SVOP: variants seen among roughly 807,000 people sequenced by gnomAD.
SVOP encodes synaptic vesicle 2-related protein.
Under a neutral mutation model 69.1 loss-of-function variants are expected in SVOP, and 17 were observed. The observed-to-expected ratio is 0.25, with a 90% confidence interval of 0.17 to 0.37. The LOEUF (loss-of-function observed/expected upper bound fraction) is 0.37, where lower values mean the gene tolerates loss of function less well. Among genes scored for constraint, SVOP ranks in the 10% least tolerant of loss-of-function variants. SVOP has a pLI of 1.00. For synonymous variants in SVOP, 238 were observed against 238.6 expected (o/e 1.00, Z 0.02); for missense variants, 435 against 597.5 (o/e 0.73, Z 2.84).
In SVOP at chr12:108,909,657, T is replaced by G. The variant is rs1400000143; in HGVS notation, c.*2878A>C. On this transcript the variant is annotated 3_prime_UTR_variant, in exon 16 of 16. Transcript: ENST00000610966. ...CATCCCATTGTGAACACCACCAAGG[T>G]CAGTTATATGTTTTTCAGAATACTT... 6.6e-6 allele frequency: 1 copy of G among 152,138 alleles called. No homozygotes were observed. Among genetic ancestry groups the G allele is most frequent in the African/African-American group, 2.4e-5 (1 of 41,426 alleles). The allele number at this position is 152,138 out of a possible 1,614,324, so 9.4% of individuals were successfully genotyped here.
At chr12:108,989,268 T>C (rs140230592) in intron 1 of SVOP, among the ~76,000 whole-genome samples, 51,996 of 151,926 alleles carry the variant, frequency 0.34, 9,421 homozygotes, top group African/African-American at 0.46. Flanking sequence ...GAGACAGGGG[T>C]CTCATTATGT....
chr12:108,932,785 T>C (rs73195441), intron 11 of SVOP, among the ~76,000 whole-genome samples: 62,863 of 152,022 alleles, frequency 0.41, 16,143 homozygotes, highest in East Asian at 0.68. Flanking sequence ...TTCGTGGCAA[T>C]CAGATACCAA....
chr12:109,003,641 C>CT (rs1400961709), intron 1 of SVOP, among the ~76,000 whole-genome samples: 1 of 152,158 alleles, frequency 6.6e-6, no homozygotes, highest in Non-Finnish European at 1.5e-5. Context: ...CATGGTCTTG[C>CT]TCTGTCACCA....
At chr12:108,946,927 C>G (rs1047815432) in intron 6 of SVOP, among the ~76,000 whole-genome samples, 1 of 151,690 alleles carries the variant, frequency 6.6e-6, no homozygotes, top group African/African-American at 2.4e-5. Flanking sequence ...ACCATGTTGC[C>G]CAGGCTGGTC....
At chr12:108,927,066 C>T (rs2039784723) in intron 11 of SVOP, among the ~76,000 whole-genome samples, 1 of 152,166 alleles carries the variant, frequency 6.6e-6, no homozygotes, top group Non-Finnish European at 1.5e-5. Context: ...GGTTGGGGTT[C>T]CCTAAGCTCA....
intron 1 of SVOP, among the ~76,000 whole-genome samples, chr12:108,994,985 T>G (rs897682962): frequency 6.6e-6 from 1 of 151,594 alleles, no homozygotes; most frequent in Admixed American, 6.6e-5. Context: ...CAACAAAAAA[T>G]TTTTAAAAAA....
In SVOP at chr12:108,909,143, G is replaced by T. The variant is rs1306163016; in HGVS notation, c.*3392C>A. ...GGATGGTGAAAAGAAAAGGCAAAAA[G>T]AAGCTGGGTTCTTGATAACATTGTT... On this transcript the variant is annotated 3_prime_UTR_variant, in exon 16 of 16. Transcript: ENST00000610966. The T allele has an allele frequency of 6.6e-6, 1 of 152,222 alleles. No homozygotes were observed. The highest frequency in any genetic ancestry group is 1.5e-5 in the Non-Finnish European group (1 of 68,050). The allele number at this position is 152,222 out of a possible 1,614,324, so 9.4% of individuals were successfully genotyped here.
At chr12:108,993,530 C>T (rs2040214897) in intron 1 of SVOP, among the ~76,000 whole-genome samples, 1 of 152,124 alleles carries the variant, frequency 6.6e-6, no homozygotes, top group East Asian at 1.9e-4. Context: ...GACGTCAATG[C>T]CTTTCTGCAG....
chr12:108,982,729 CACT>C (rs2040144985), intron 2 of SVOP, among the ~76,000 whole-genome samples: 13 of 151,192 alleles, frequency 8.6e-5, no homozygotes, highest in Admixed American at 6.6e-5. Context: ...TCATCATCAT[CACT>C]ATCATCATCA....
intron 1 of SVOP, among the ~76,000 whole-genome samples, chr12:108,999,895 TA>T (rs2135619632): frequency 6.6e-6 from 1 of 151,764 alleles, no homozygotes; most frequent in East Asian, 1.9e-4. Flanking sequence ...ACATCACAAT[TA>T]AAAGAACTAG....
chr12:108,923,756 A>G (rs931822256), intron 11 of SVOP, among the ~76,000 whole-genome samples: 1 of 152,078 alleles, frequency 6.6e-6, no homozygotes, highest in Non-Finnish European at 1.5e-5. Flanking sequence ...GTCCCTCACC[A>G]TCTACCCCTA....
intron 1 of SVOP, among the ~76,000 whole-genome samples, chr12:108,989,730 CTG>C (rs1351983476): frequency 6.6e-6 from 1 of 152,214 alleles, no homozygotes; most frequent in African/African-American, 2.4e-5. Context: ...CTAAAGGAAT[CTG>C]TAAAGAGCAC....
chr12:108,933,658 C>A (rs551442473), intron 11 of SVOP, among the ~76,000 whole-genome samples: 1 of 151,648 alleles, frequency 6.6e-6, no homozygotes, highest in Non-Finnish European at 1.5e-5. Flanking sequence ...CCAGCCTGGG[C>A]GACAGAGCAA....
chr12:109,019,456 T>G (rs7979871), intron 1 of SVOP, among the ~76,000 whole-genome samples: 62,059 of 151,864 alleles, frequency 0.41, 14,181 homozygotes, highest in African/African-American at 0.62. Flanking sequence ...AGTTCCAATA[T>G]GTAGTCTAAT....
chr12:108,965,499 C>A (rs1378457254), intron 5 of SVOP, among the ~76,000 whole-genome samples: 3 of 152,130 alleles, frequency 2.0e-5, no homozygotes, highest in African/African-American at 7.2e-5. Flanking sequence ...CCAAAAGATA[C>A]CATGACAAAA....
chr12:108,982,049 T>C (rs1239183305), intron 2 of SVOP, among the ~76,000 whole-genome samples: 3 of 151,060 alleles, frequency 2.0e-5, no homozygotes, highest in Non-Finnish European at 3.0e-5. Context: ...ACTATCATCA[T>C]CATCGTCACC....
chr12:108,983,292 T>TCAA (rs2040151974), intron 2 of SVOP, among the ~76,000 whole-genome samples: 1 of 151,316 alleles, frequency 6.6e-6, no homozygotes, highest in African/African-American at 2.4e-5. Flanking sequence ...ATCACCATCA[T>TCAA]CATTGCCACC....
At position 108,963,710 on chromosome 12, in the gene SVOP, T is replaced by C. The variant is rs1220731251; in HGVS notation, c.454-2663A>G. Among the ~76,000 whole-genome samples the C allele has an allele frequency of 2.6e-5, 4 of 152,216 alleles. 1 individual carries two copies. The stretch of plus-strand genomic sequence containing the variant: ...CCATGTTGACCAGGGTTTCGCCATG[T>C]TGCCCAGGCTGGTCTCGAACTCCTG... On this transcript the variant is annotated intron_variant, in intron 5 of 15. Transcript: ENST00000610966.
intron 13 of SVOP, among the ~76,000 whole-genome samples, chr12:108,918,422 G>A (rs953683598): frequency 1.3e-5 from 2 of 152,254 alleles, no homozygotes; most frequent in Admixed American, 6.5e-5. Flanking sequence ...ACAGGAATTT[G>A]GCTGAGGGTG....
Sources: allele counts gnomAD v4.1 joint callset (sites outside exome capture counted in the v4.1 genomes callset), GRCh38; gene constraint gnomAD v4.1.1; transcripts MANE v1.5; gene names NCBI Gene and HGNC (gene_info 2026-07-23, HGNC 2026-07-21).